RAB24: variants seen among roughly 807,000 people sequenced by gnomAD.
RAB24 encodes the protein ras-related protein Rab-24.
In RAB24, 9 loss-of-function variants were observed where a neutral mutation model predicts 31.4. The observed-to-expected ratio is 0.29, with a 90% CI of 0.17 to 0.50. RAB24 has a LOEUF of 0.50. RAB24 is among the 20% of genes least tolerant of loss of function. The pLI is 0.98. For synonymous variants in RAB24, 106 were observed against 94.1 expected (o/e 1.13, Z -0.73); for missense variants, 197 against 265.2 (o/e 0.74, Z 1.79).
At position 177,301,816 on chromosome 5, in the gene RAB24, A is replaced by T; in HGVS notation, c.548-9T>A. The T allele has an allele frequency of 6.2e-7, 1 of 1,614,078 alleles. No individual in the cohort carries two copies. The highest frequency in any genetic ancestry group is 8.5e-7 in the Non-Finnish European group (1 of 1,180,022). ...ATCCACGCCCTTGTCCTCTGTCAAA[A>T]AGAGAGGTGGCAGCTCAGCACCATT... On this transcript the variant is annotated splice_polypyrimidine_tract_variant and intron_variant, in intron 7 of 7. Transcript: ENST00000303251.
At position 177,302,389 on chromosome 5, in the gene RAB24, G is replaced by A. The variant is rs1341196592; in HGVS notation, c.433+8C>T. The A allele has an allele frequency of 1.2e-6, 2 of 1,612,966 alleles. No homozygotes were observed. Among genetic ancestry groups the A allele is most frequent in the Non-Finnish European group, 1.7e-6 (2 of 1,179,876 alleles). On this transcript the variant is annotated splice_region_variant and intron_variant, in intron 5 of 7. Coordinates refer to ENST00000303251, the MANE Select transcript of RAB24 (RefSeq NM_001031677.4). ...CCCCCACCCCCCAAAGGGCTGAGGA[G>A]CAGCTACTGTCTGCATAGTCCTGGA...
chr5:177,303,265 G>A lies in RAB24; in HGVS notation c.24C>T (p.Val8=), dbSNP rs1581583521. 6.2e-7 allele frequency: 1 copy of A among 1,613,756 alleles called. No homozygotes were observed. Among genetic ancestry groups the A allele is most frequent in the Non-Finnish European group, 8.5e-7 (1 of 1,180,028 alleles). ...ACTCCTTGCCCAGCATCACCACCTT[G>A]ACGTCCACGCGCTGCCCGCTCATGC... is the stretch of plus-strand genomic sequence containing the variant. MSGQRVD[V]KVVMLGKEYV... is the part of the protein sequence containing the mutation. The change falls in exon 1 of 8, where the codon GTC becomes GTT. Residue 8 remains valine, a synonymous_variant. Coordinates refer to ENST00000303251, the MANE Select transcript of RAB24 (RefSeq NM_001031677.4). This position sits in a 1 kb window ranked among gnomAD's most constrained non-coding sequence, Gnocchi z 6.1.
At chr5:177,302,970 G>A in intron 2 of RAB24, 39 bp downstream of exon 2, 1 of 1,608,094 alleles carries the variant, frequency 6.2e-7, no homozygotes, top group Non-Finnish European at 8.5e-7. Flanking sequence ...CACCTCCTCA[G>A]GAATGAGTCT....
At position 177,301,519 on chromosome 5, in the gene RAB24, CT is replaced by C. The variant is rs1562322609; in HGVS notation, c.*223del. On this transcript the variant is annotated 3_prime_UTR_variant, in exon 8 of 8. Coordinates refer to ENST00000303251, the MANE Select transcript of RAB24 (RefSeq NM_001031677.4). ...CTTAAATAATCTGCAGACACAAGTG[CT>C]GTCCAGGGCAGAAGCCTGGGGTCCA... 1 of 590,050 alleles carries C rather than the reference CT, an allele frequency of 1.7e-6. No homozygotes were observed. Among genetic ancestry groups the C allele is most frequent in the African/African-American group, 1.9e-5 (1 of 53,686 alleles). The allele number at this position is 590,050 out of a possible 1,614,324, so 36.6% of individuals were successfully genotyped here.
In RAB24 at chr5:177,302,135, C is replaced by G; in HGVS notation, c.477G>C (p.Gln159His). Residue 159 changes from glutamine to histidine, a missense_variant, in exon 6 of 8, where the codon CAG becomes CAC. Gln to His is a conservative substitution (Grantham distance 24, BLOSUM62 0). Transcript: ENST00000303251. ...CTCCAGCACAGCACTCACCCACACT[C>G]TGGCCTGTCTTGCTGGATGTTTCAA... is the stretch of plus-strand genomic sequence containing the variant. ...QLFETSSKTGQSVDELFQKVA... is the reference protein window; with the variant it reads ...QLFETSSKTGHSVDELFQKVA... The G allele has an allele frequency of 1.9e-6, 3 of 1,614,224 alleles. No individual in the cohort carries two copies. The highest frequency in any genetic ancestry group is 2.5e-6 in the Non-Finnish European group (3 of 1,180,020).
chr5:177,301,299 C>T lies in RAB24; in HGVS notation c.*444G>A. Reference sequence around the variant, plus strand: ...TTTTATACTACTACAGCCCCAGTATCTCAGCGGTAACCATGGGGAAAAAAG... The same window carrying T: ...TTTTATACTACTACAGCCCCAGTATTTCAGCGGTAACCATGGGGAAAAAAG... On this transcript the variant is annotated 3_prime_UTR_variant, in exon 8 of 8. Transcript: ENST00000303251. The T allele has an allele frequency of 5.1e-6, 1 of 197,466 alleles. No homozygotes were observed. Among genetic ancestry groups the T allele is most frequent in the South Asian group, 8.0e-5 (1 of 12,530 alleles). The allele number at this position is 197,466 out of a possible 1,614,324, so 12.2% of individuals were successfully genotyped here. A position where few individuals can be genotyped will look rare whatever the true frequency, so the allele number is the denominator to read the frequency against.
rs987253943 is a variant in RAB24 at position 177,303,666 on chromosome 5, C to T, written c.-378G>A. On this transcript the variant is annotated 5_prime_UTR_variant, in exon 1 of 8. Transcript: ENST00000303251. The surrounding 1 kb of genome is among the most constrained non-coding windows in gnomAD (Gnocchi z 6.1). ...GAATCCCAACCGAACCTGGGGTCTC[C>T]CGCAACCCGGCTCCTACCCGCAGCG... is the stretch of plus-strand genomic sequence containing the variant. 136 of 377,990 alleles carry T rather than the reference C, an allele frequency of 3.6e-4. No homozygotes were observed. Among genetic ancestry groups the T allele is most frequent in the Non-Finnish European group, 3.3e-5 (7 of 210,640 alleles). 23.4% of individuals were successfully genotyped at this position (377,990 alleles called of 1,614,324 possible). A position where few individuals can be genotyped will look rare whatever the true frequency, so the allele number is the denominator to read the frequency against.
Position 177,303,059 on chromosome 5 carries a change from C to T in RAB24, c.136G>A (p.Val46Met). 1 of 1,614,112 alleles carries T rather than the reference C, an allele frequency of 6.2e-7. No homozygotes were observed. Among genetic ancestry groups the T allele is most frequent in the Non-Finnish European group, 8.5e-7 (1 of 1,180,032 alleles). ...PYQNTIGAAF[V>M]AKVMSVGDRT... ...TCTCCGACCGACATCACCTTGGCCA[C>T]GAAGGCGGCCCCGATGGTCTGCAAC... Residue 46 changes from valine to methionine, a missense_variant, in exon 2 of 8, where the codon GTG becomes ATG. Physicochemically the swap from Val to Met is conservative, Grantham distance 21 (BLOSUM62 1). Coordinates refer to ENST00000303251, the MANE Select transcript of RAB24 (RefSeq NM_001031677.4). The surrounding 1 kb of genome is among the most constrained non-coding windows in gnomAD (Gnocchi z 6.1).
chr5:177,301,823 G>A lies in RAB24; in HGVS notation c.548-16C>T. On this transcript the variant is annotated splice_polypyrimidine_tract_variant and intron_variant, in intron 7 of 7. Coordinates refer to ENST00000303251, the MANE Select transcript of RAB24 (RefSeq NM_001031677.4). Reference sequence around the variant, plus strand: ...CCCTTGTCCTCTGTCAAAAAGAGAGGTGGCAGCTCAGCACCATTCTGTTGG... The same window carrying A: ...CCCTTGTCCTCTGTCAAAAAGAGAGATGGCAGCTCAGCACCATTCTGTTGG... 6.2e-7 allele frequency: 1 copy of A among 1,614,216 alleles called. No individual in the cohort carries two copies. The highest frequency in any genetic ancestry group is 8.5e-7 in the Non-Finnish European group (1 of 1,180,030).
At chr5:177,302,945 A>T in intron 2 of RAB24, 64 bp downstream of exon 2, 1 of 1,593,344 alleles carries the variant, frequency 6.3e-7, no homozygotes, top group East Asian at 2.2e-5. Context: ...ATCAACCAGT[A>T]ATAGGCAGGA....
intron 5 of RAB24, 82 bp downstream of exon 5, chr5:177,302,315 G>A: frequency 1.3e-6 from 2 of 1,571,476 alleles, no homozygotes; most frequent in Non-Finnish European, 1.8e-6. Context: ...CCTTGCCCTG[G>A]CAGCCAAGGC....
Position 177,303,048 on chromosome 5 carries a change from C to T in RAB24, c.147G>A (p.Val49=), listed in dbSNP as rs746061779. ...NTIGAAFVAK[V]MSVGDRTVTL... ...TCACAGTCCGGTCTCCGACCGACAT[C>T]ACCTTGGCCACGAAGGCGGCCCCGA... The change falls in exon 2 of 8, where the codon GTG becomes GTA. Residue 49 remains valine (V), a synonymous_variant. Transcript: ENST00000303251. This position sits in a 1 kb window ranked among gnomAD's most constrained non-coding sequence, Gnocchi z 6.1. 1 of 1,614,154 alleles carries T rather than the reference C, an allele frequency of 6.2e-7. No homozygotes were observed. Among genetic ancestry groups the T allele is most frequent in the South Asian group, 1.1e-5 (1 of 91,088 alleles).
Position 177,303,298 on chromosome 5 carries a change from G to T in RAB24, c.-10C>A. 6.2e-7 allele frequency: 1 copy of T among 1,612,942 alleles called. No homozygotes were observed. The highest frequency in any genetic ancestry group is 8.5e-7 in the Non-Finnish European group (1 of 1,179,512). ...CGCGCTGCCCGCTCATGCTCCCGGG[G>T]CCGCTTCAGCCACGTCAGGGTCCTG... On this transcript the variant is annotated 5_prime_UTR_variant, in exon 1 of 8. Coordinates refer to ENST00000303251, the MANE Select transcript of RAB24 (RefSeq NM_001031677.4). The surrounding 1 kb of genome is among the most constrained non-coding windows in gnomAD (Gnocchi z 6.1).
In RAB24 at chr5:177,301,837, C is replaced by T. The variant is rs748019022; in HGVS notation, c.548-30G>A. ...CAAAAAGAGAGGTGGCAGCTCAGCA[C>T]CATTCTGTTGGGATCAGGTAACTCA... is the stretch of plus-strand genomic sequence containing the variant. On this transcript the variant is annotated intron_variant, in intron 7 of 7. Coordinates refer to ENST00000303251, the MANE Select transcript of RAB24 (RefSeq NM_001031677.4). 4 of 1,614,066 alleles carry T rather than the reference C, an allele frequency of 2.5e-6. No individual in the cohort carries two copies. The East Asian group carries it at 8.9e-5, about 36-fold the overall frequency.
In RAB24 at chr5:177,303,339, C is replaced by G; in HGVS notation, c.-51G>C. ...CAGGGTCCTGAGCGGGGACGGGAGG[C>G]AAACCCCGATCTCCGCTCGGCCCAG... is the stretch of plus-strand genomic sequence containing the variant. On this transcript the variant is annotated 5_prime_UTR_variant, in exon 1 of 8. Transcript: ENST00000303251. The surrounding 1 kb of genome is among the most constrained non-coding windows in gnomAD (Gnocchi z 6.1). The G allele has an allele frequency of 6.4e-7, 1 of 1,570,346 alleles. No individual in the cohort carries two copies. Among genetic ancestry groups the G allele is most frequent in the Non-Finnish European group, 8.7e-7 (1 of 1,143,046 alleles).
In RAB24 at chr5:177,302,747, C is replaced by T. The variant is rs777569826; in HGVS notation, c.265+5G>A. 14 of 945,250 alleles carry T rather than the reference C, an allele frequency of 1.5e-5. No individual in the cohort carries two copies. The Admixed American group carries it at 1.8e-4, about 12-fold the overall frequency. 58.6% of individuals were successfully genotyped at this position (945,250 alleles called of 1,614,324 possible). On this transcript the variant is annotated splice_donor_5th_base_variant and intron_variant, in intron 3 of 7. Transcript: ENST00000303251. The stretch of plus-strand genomic sequence containing the variant: ...TGAGACAGCCCAAACCCCCCCCCCC[C>T]TTACCATAGCAGACGATGGCAGCCT...
Position 177,303,358 on chromosome 5 carries a change from G to A in RAB24, c.-70C>T, listed in dbSNP as rs1215266005. 2.7e-6 allele frequency: 4 copies of A among 1,478,092 alleles called. No homozygotes were observed. The South Asian group carries it at 3.4e-5, about 13-fold the overall frequency. The allele number at this position is 1,478,092 out of a possible 1,614,324, so 91.6% of individuals were successfully genotyped here. On this transcript the variant is annotated 5_prime_UTR_variant, in exon 1 of 8. Coordinates refer to ENST00000303251, the MANE Select transcript of RAB24 (RefSeq NM_001031677.4). The surrounding 1 kb of genome is among the most constrained non-coding windows in gnomAD (Gnocchi z 6.1). ...GGGAGGCAAACCCCGATCTCCGCTC[G>A]GCCCAGGCAGCGCCCAAGCCTCAGA...
At chr5:177,302,332 T>G in intron 5 of RAB24, 65 bp downstream of exon 5, 1 of 1,590,984 alleles carries the variant, frequency 6.3e-7, no homozygotes, top group Non-Finnish European at 8.6e-7. Context: ...AGGCAGTCCC[T>G]ATTTTCTTTG....
In RAB24 at chr5:177,302,580, C is replaced by T. The variant is rs149119539; in HGVS notation, c.330G>A (p.Glu110=). 13 of 1,614,078 alleles carry T rather than the reference C, an allele frequency of 8.1e-6. No individual in the cohort carries two copies. Among genetic ancestry groups the T allele is most frequent in the African/African-American group, 1.3e-5 (1 of 74,932 alleles). ...KFWVKELRSL[E]EGCQIYLCGT... Reference sequence around the variant, plus strand: ...CTAGTGAGGTCTGTTCACCTACCTCCTCTAGGCTGCGCAGTTCCTTCACCC... The same window carrying T: ...CTAGTGAGGTCTGTTCACCTACCTCTTCTAGGCTGCGCAGTTCCTTCACCC... The change falls in exon 4 of 8, where the codon GAG becomes GAA. Residue 110 remains glutamate (E), a synonymous_variant. Coordinates refer to ENST00000303251, the MANE Select transcript of RAB24 (RefSeq NM_001031677.4).
Sources: allele counts gnomAD v4.1 joint callset, GRCh38; gene constraint gnomAD v4.1.1; non-coding constraint Gnocchi (gnomAD v3.1); transcripts MANE v1.5; gene names NCBI Gene and HGNC (gene_info 2026-07-23, HGNC 2026-07-21).